The following CRY1 variants were observed in gnomAD, a reference collection of about 807,000 sequenced individuals.
CRY1 encodes cryptochrome circadian regulator 1, also known as cryptochrome-1.
In CRY1, 45 loss-of-function variants were observed where a neutral mutation model predicts 76.0. The ratio of observed to expected loss-of-function variants is 0.59; its 90% CI spans 0.47 to 0.76. The LOEUF is 0.76. CRY1 is among the 30% of genes least tolerant of loss of function. CRY1 has a pLI of 0.00. For missense variants in CRY1, 587 were observed against 716.4 expected, an observed-to-expected ratio of 0.82 and a Z score of 2.06; for synonymous variants, 248 against 244.0, an observed-to-expected ratio of 1.02 and a Z score of -0.15.
chr12:107,003,546 A>G (rs1952335850), intron 3 of CRY1, among the ~76,000 whole-genome samples: 1 of 152,218 alleles, frequency 6.6e-6, no homozygotes, highest in South Asian at 2.1e-4. Flanking sequence ...ACAGATACAT[A>G]CAGAAAGTAA....
At chr12:107,007,580 A>G (rs181232111) in intron 2 of CRY1, among the ~76,000 whole-genome samples, 1 of 150,612 alleles carries the variant, frequency 6.6e-6, no homozygotes, top group African/African-American at 2.4e-5. Flanking sequence ...CCCAAGCTGG[A>G]GTGCAATGGT....
intron 2 of CRY1, 82 bp downstream of exon 2, chr12:107,022,002 C>T: frequency 9.5e-7 from 1 of 1,056,066 alleles, no homozygotes; most frequent in East Asian, 2.6e-5. Flanking sequence ...GCTACATTTT[C>T]AATTAGTCAA....
chr12:107,067,993 C>G (rs1953133283), intron 1 of CRY1, among the ~76,000 whole-genome samples: 1 of 152,150 alleles, frequency 6.6e-6, no homozygotes, highest in Non-Finnish European at 1.5e-5. Flanking sequence ...CTATTATACA[C>G]AGAATTTTTC....
chr12:107,007,363 T>C (rs1038248979), intron 2 of CRY1, among the ~76,000 whole-genome samples: 2 of 151,920 alleles, frequency 1.3e-5, no homozygotes, highest in East Asian at 1.9e-4. Flanking sequence ...GCAGAGAGAG[T>C]GCCTAGCACG....
At chr12:107,090,296 T>C (rs1398738362) in intron 1 of CRY1, among the ~76,000 whole-genome samples, 4 of 152,186 alleles carry the variant, frequency 2.6e-5, no homozygotes, top group Non-Finnish European at 5.9e-5. Context: ...TTTTGCCATA[T>C]TGGCCAGGCT....
intron 2 of CRY1, among the ~76,000 whole-genome samples, chr12:107,014,896 T>G (rs936719382): frequency 1.3e-5 from 2 of 152,088 alleles, no homozygotes; most frequent in Non-Finnish European, 2.9e-5. Flanking sequence ...TCTTTTTTTT[T>G]AGACAGAGTC....
chr12:107,057,641 G>A (rs971761560), intron 1 of CRY1, among the ~76,000 whole-genome samples: 5 of 151,964 alleles, frequency 3.3e-5, no homozygotes, highest in African/African-American at 1.2e-4. Flanking sequence ...TGAGGTGGGA[G>A]GATCACCTGA....
intron 1 of CRY1, among the ~76,000 whole-genome samples, chr12:107,026,160 T>TATAAA: frequency 1.3e-5 from 1 of 75,870 alleles, no homozygotes; most frequent in South Asian, 3.8e-4. Flanking sequence ...ATATATAAAA[T>TATAAA]ATATATATAT....
intron 1 of CRY1, among the ~76,000 whole-genome samples, chr12:107,058,015 C>A (rs1361711476): frequency 6.6e-6 from 1 of 151,846 alleles, no homozygotes; most frequent in Non-Finnish European, 1.5e-5. Flanking sequence ...ATGATCACAC[C>A]ACTGCACTCC....
In CRY1 at chr12:107,092,873, G is replaced by A; in HGVS notation, c.89C>T (p.Thr30Ile). 1.2e-6 allele frequency: 2 copies of A among 1,610,590 alleles called. No homozygotes were observed. The highest frequency in any genetic ancestry group is 1.7e-6 in the Non-Finnish European group (2 of 1,179,510). Residue 30 changes from threonine to isoleucine, a missense_variant, in exon 1 of 13, where the codon ACC (threonine) becomes ATC (isoleucine). By Grantham distance (89) the Thr-to-Ile change is moderately conservative. Coordinates refer to ENST00000008527, the MANE Select transcript of CRY1 (RefSeq NM_004075.5). ...GTCCAGGATGTAGACGCAGCGGATG[G>A]TGTCGGCGCCCTGAATGCACTCCTT... is the stretch of plus-strand genomic sequence containing the variant. ...ALKECIQGADTIRCVYILDPW... is the reference protein window; with the variant it reads ...ALKECIQGADIIRCVYILDPW...
chr12:107,090,455 G>A (rs532439000), intron 1 of CRY1, among the ~76,000 whole-genome samples: 9 of 152,066 alleles, frequency 5.9e-5, no homozygotes, highest in South Asian at 2.1e-4. Context: ...TGGCTCCTTC[G>A]CAGTCTCATA....
At chr12:107,072,107 T>G (rs771506573) in intron 1 of CRY1, among the ~76,000 whole-genome samples, 2 of 152,232 alleles carry the variant, frequency 1.3e-5, no homozygotes, top group Non-Finnish European at 2.9e-5. Flanking sequence ...CAACTCCTTT[T>G]TGGAATTGAA....
At chr12:107,079,677 C>T (rs940150890) in intron 1 of CRY1, among the ~76,000 whole-genome samples, 3 of 152,064 alleles carry the variant, frequency 2.0e-5, no homozygotes, top group African/African-American at 7.2e-5. Context: ...ATTTGCTTCT[C>T]TCTGCTTGGA....
chr12:107,021,407 AGATTC>A (rs1480171396), intron 2 of CRY1, among the ~76,000 whole-genome samples: 2 of 152,238 alleles, frequency 1.3e-5, no homozygotes, highest in African/African-American at 4.8e-5. Flanking sequence ...ATGTGAGCAA[AGATTC>A]ATAAATGTGG....
At position 107,005,097 on chromosome 12, in the gene CRY1, A is replaced by G. The variant is rs1186073887; in HGVS notation, c.410+9T>C. On this transcript the variant is annotated intron_variant, in intron 3 of 12. Coordinates refer to ENST00000008527, the MANE Select transcript of CRY1 (RefSeq NM_004075.5). The stretch of plus-strand genomic sequence containing the variant: ...ATTTTCCCACAGTAAAAAAAAAAAA[A>G]GGACTCACTTGTCTAGGTCATATAA... 1.3e-6 allele frequency: 2 copies of G among 1,575,782 alleles called. No homozygotes were observed.
At chr12:106,999,185 A>T (rs1376492092) in intron 7 of CRY1, among the ~76,000 whole-genome samples, 1 of 152,164 alleles carries the variant, frequency 6.6e-6, no homozygotes, top group Non-Finnish European at 1.5e-5. Flanking sequence ...TTTATATTTT[A>T]AAATTTATAA....
intron 1 of CRY1, among the ~76,000 whole-genome samples, chr12:107,045,338 T>G (rs1418734016): frequency 1.3e-5 from 2 of 152,106 alleles, no homozygotes; most frequent in Middle Eastern, 3.2e-3. Context: ...TGAGGAAATT[T>G]ATCACCACTA....
At chr12:107,059,210 C>G (rs1953020411) in intron 1 of CRY1, among the ~76,000 whole-genome samples, 1 of 151,832 alleles carries the variant, frequency 6.6e-6, no homozygotes, top group Non-Finnish European at 1.5e-5. Flanking sequence ...AAGTTACAAC[C>G]CCCCAAATTG....
chr12:107,023,796 T>A (rs979538920), intron 1 of CRY1, among the ~76,000 whole-genome samples: 1 of 152,178 alleles, frequency 6.6e-6, no homozygotes, highest in African/African-American at 2.4e-5. Flanking sequence ...TGGAGTCACC[T>A]CCCTAACACC....
Sources: allele counts gnomAD v4.1 joint callset (sites outside exome capture counted in the v4.1 genomes callset), GRCh38; gene constraint gnomAD v4.1.1; transcripts MANE v1.5; gene names NCBI Gene and HGNC (gene_info 2026-07-23, HGNC 2026-07-21).